Variants in PRDM6 observed in about 807,000 individuals in gnomAD.
PRDM6 encodes PR/SET domain 6.
PRDM6 carries 25 observed loss-of-function variants against 60.8 expected under a neutral mutation model. The observed-to-expected ratio is 0.41, with a 90% CI of 0.30 to 0.57. The LOEUF (loss-of-function observed/expected upper bound fraction) is 0.57. Among genes scored for constraint, PRDM6 ranks in the 20% least tolerant of loss-of-function variants. The pLI, the probability that PRDM6 is intolerant of heterozygous loss-of-function variation, is 0.27. For synonymous variants in PRDM6, 407 were observed against 357.4 expected (o/e 1.14, Z -1.57); for missense variants, 839 against 821.3 (o/e 1.02, Z -0.26).
chr5:123,127,198 T>C (rs1486042802), intron 3 of PRDM6, among the ~76,000 whole-genome samples: 1 of 152,172 alleles, frequency 6.6e-6, no homozygotes, highest in Non-Finnish European at 1.5e-5. Flanking sequence ...CCACCATGCC[T>C]GGCTAATTCT....
chr5:123,117,915 C>A (rs1236358297), intron 3 of PRDM6, among the ~76,000 whole-genome samples: 1 of 152,186 alleles, frequency 6.6e-6, no homozygotes, highest in Admixed American at 6.5e-5. Flanking sequence ...TTCAATTATT[C>A]AACATATATT....
chr5:123,092,546 T>G (rs1561795008), intron 2 of PRDM6, among the ~76,000 whole-genome samples: 1 of 152,216 alleles, frequency 6.6e-6, no homozygotes, highest in Non-Finnish European at 1.5e-5. Context: ...ATTGAACCAG[T>G]TTATTGCCTG....
chr5:123,177,468 A>T (rs1766043518), intron 6 of PRDM6, among the ~76,000 whole-genome samples: 1 of 152,198 alleles, frequency 6.6e-6, no homozygotes, highest in African/African-American at 2.4e-5. Context: ...TTTTCAATGT[A>T]CCTAAGAATG....
chr5:123,163,432 C>T (rs1765679822), intron 5 of PRDM6, among the ~76,000 whole-genome samples: 1 of 152,206 alleles, frequency 6.6e-6, no homozygotes, highest in South Asian at 2.1e-4. Context: ...GGCCCCAAAG[C>T]AGGGCGGCCG....
intron 2 of PRDM6, among the ~76,000 whole-genome samples, chr5:123,097,443 G>A (rs574101758): frequency 2.1e-4 from 32 of 152,134 alleles, no homozygotes; most frequent in African/African-American, 6.3e-4. Flanking sequence ...TCCTTTCTCT[G>A]CCACTTTCTA....
chr5:123,153,277 ACT>A (rs1217861634), intron 3 of PRDM6, among the ~76,000 whole-genome samples: 5 of 151,772 alleles, frequency 3.3e-5, no homozygotes, highest in African/African-American at 7.3e-5. Context: ...CAGTTAAGAG[ACT>A]CTTGCTATAC....
chr5:123,175,272 T>C (rs889775586), intron 6 of PRDM6, among the ~76,000 whole-genome samples: 11 of 152,184 alleles, frequency 7.2e-5, no homozygotes, highest in African/African-American at 2.4e-5. Flanking sequence ...TTTCTCCTTT[T>C]TGACTGTTTG....
intron 3 of PRDM6, among the ~76,000 whole-genome samples, chr5:123,132,260 G>A (rs1002399595): frequency 2.0e-5 from 3 of 152,076 alleles, no homozygotes; most frequent in Non-Finnish European, 4.4e-5. Flanking sequence ...GCATTACCAC[G>A]TGGGGTGTAT....
intron 7 of PRDM6, 24 bp downstream of exon 7, chr5:123,180,347 C>A (rs1468346617): frequency 6.5e-7 from 1 of 1,533,694 alleles, no homozygotes. Context: ...AGCCCTCCAC[C>A]CTCTCTTTCT....
intron 5 of PRDM6, among the ~76,000 whole-genome samples, chr5:123,168,968 G>C (rs151152931): frequency 6.6e-6 from 1 of 152,184 alleles, no homozygotes; most frequent in Non-Finnish European, 1.5e-5. Flanking sequence ...CTGCATCTTC[G>C]TGCCATGTAG....
chr5:123,121,282 C>T (rs866630081), intron 3 of PRDM6, among the ~76,000 whole-genome samples: 2 of 152,080 alleles, frequency 1.3e-5, no homozygotes, highest in African/African-American at 2.4e-5. Context: ...TCTCTTGCAC[C>T]GGCAACTTAT....
At chr5:123,094,900 T>G (rs6882659) in intron 2 of PRDM6, among the ~76,000 whole-genome samples, 1,699 of 152,282 alleles carry the variant, frequency 0.011, 31 homozygotes, top group African/African-American at 0.039. Context: ...CCACATTTTC[T>G]CCCTCCCACC....
At chr5:123,161,695 T>C (rs951422255) in intron 5 of PRDM6, among the ~76,000 whole-genome samples, 1 of 152,082 alleles carries the variant, frequency 6.6e-6, no homozygotes, top group Non-Finnish European at 1.5e-5. Flanking sequence ...GGGGTTAACT[T>C]AGATGTGGGT....
intron 3 of PRDM6, among the ~76,000 whole-genome samples, chr5:123,112,734 A>T (rs1231701962): frequency 7.2e-6 from 1 of 139,832 alleles, no homozygotes; most frequent in Non-Finnish European, 1.5e-5. Context: ...GTGCTCTCTT[A>T]GTCCTTTTTA....
At chr5:123,122,639 T>C (rs558508148) in intron 3 of PRDM6, among the ~76,000 whole-genome samples, 1 of 152,344 alleles carries the variant, frequency 6.6e-6, no homozygotes, top group South Asian at 2.1e-4. Context: ...GCAATTTTTT[T>C]ATTACATAGG....
At chr5:123,144,678 G>T (rs1027732944) in intron 3 of PRDM6, among the ~76,000 whole-genome samples, 2 of 152,148 alleles carry the variant, frequency 1.3e-5, no homozygotes, top group Non-Finnish European at 2.9e-5. Flanking sequence ...TCTTTATCCT[G>T]CTGCTTTGTA....
At chr5:123,168,156 A>G (rs933916861) in intron 5 of PRDM6, among the ~76,000 whole-genome samples, 2 of 152,200 alleles carry the variant, frequency 1.3e-5, no homozygotes, top group African/African-American at 2.4e-5. Flanking sequence ...CACAAATTCT[A>G]TATTGATTAT....
intron 5 of PRDM6, among the ~76,000 whole-genome samples, chr5:123,166,820 C>A (rs1203982340): frequency 6.6e-6 from 1 of 152,238 alleles, no homozygotes; most frequent in Non-Finnish European, 1.5e-5. Context: ...CGTTCATGTT[C>A]TTCCTTGACT....
intron 3 of PRDM6, among the ~76,000 whole-genome samples, chr5:123,124,209 T>G (rs745612172): frequency 1.3e-5 from 2 of 152,180 alleles, no homozygotes; most frequent in African/African-American, 2.4e-5. Context: ...ATATGACTGT[T>G]TATGTAGCAC....
Sources: allele counts gnomAD v4.1 joint callset (sites outside exome capture counted in the v4.1 genomes callset), GRCh38; gene constraint gnomAD v4.1.1; transcripts MANE v1.5; gene names NCBI Gene and HGNC (gene_info 2026-07-23, HGNC 2026-07-21).